Variants in RUVBL1 observed in about 807,000 individuals in gnomAD.
RUVBL1 encodes ruvB-like 1.
Under a neutral mutation model 52.4 loss-of-function variants are expected in RUVBL1, and 4 were observed. That is an observed-to-expected ratio of 0.08 (90% CI 0.04 to 0.17). RUVBL1 has a LOEUF of 0.17. Among genes scored for constraint, RUVBL1 ranks in the 10% least tolerant of loss-of-function variants. RUVBL1 has a pLI of 1.00. For missense variants in RUVBL1, 298 were observed against 572.8 expected (o/e 0.52, Z 4.90); for synonymous variants, 217 against 214.4 (o/e 1.01, Z -0.10).
intron 2 of RUVBL1, among the ~76,000 whole-genome samples, chr3:128,115,630 A>T (rs1433513862): frequency 6.6e-6 from 1 of 152,238 alleles, no homozygotes; most frequent in Non-Finnish European, 1.5e-5. Context: ...GAGGAAAGCA[A>T]TACAATATCA....
In RUVBL1 at chr3:128,067,037, C is replaced by G; in HGVS notation, c.940-1817G>C. 6.2e-7 allele frequency: 1 copy of G among 1,614,188 alleles called. No homozygotes were observed. Among genetic ancestry groups the G allele is most frequent in the Non-Finnish European group, 8.5e-7 (1 of 1,180,016 alleles). On this transcript the variant is annotated intron_variant, in intron 9 of 9. Transcript: ENST00000464873. The surrounding 1 kb of genome is among the most constrained non-coding windows in gnomAD (Gnocchi z 4.1). Reference sequence around the variant, plus strand: ...ATCCCATCAAGCTCTTCTATACGTCCAACATCCCCATCATCCTGCAGTCTG... The same window carrying G: ...ATCCCATCAAGCTCTTCTATACGTCGAACATCCCCATCATCCTGCAGTCTG...
At position 128,147,545 on chromosome 3, in the gene RUVBL1, T is replaced by G. The variant is rs111497961; in HGVS notation, c.-40+5658A>C. 2.0e-3 allele frequency among the ~76,000 whole-genome samples: 297 copies of G among 152,276 alleles called. 1 individual carries two copies. The highest frequency in any genetic ancestry group is 6.8e-3 in the African/African-American group (283 of 41,552). On this transcript the variant is annotated intron_variant, in intron 1 of 9. Coordinates refer to the RUVBL1 transcript ENST00000464873. ...ATGATTATGCCACTGCACTCCAGCC[T>G]GGATGACAGAGTGAGACCCCATCTC...
chr3:128,077,016 C>T (rs1457908334), downstream of RUVBL1, among the ~76,000 whole-genome samples: 1 of 151,842 alleles, frequency 6.6e-6, no homozygotes, highest in African/African-American at 2.4e-5. Flanking sequence ...AGGCGCCCAT[C>T]GGCCCATCTT....
intron 1 of RUVBL1, among the ~76,000 whole-genome samples, chr3:128,144,475 G>A (rs987045082): frequency 2.0e-5 from 3 of 152,160 alleles, no homozygotes; most frequent in African/African-American, 2.4e-5. Flanking sequence ...GCTGTTTCCC[G>A]TCACTAATTT....
chr3:128,111,446 A>G (rs1576467410), intron 3 of RUVBL1, among the ~76,000 whole-genome samples: 1 of 151,772 alleles, frequency 6.6e-6, no homozygotes, highest in Non-Finnish European at 1.5e-5. Flanking sequence ...ATTTTCCTCG[A>G]CTCCTCTCTT....
intron 9 of RUVBL1, among the ~76,000 whole-genome samples, chr3:128,073,528 A>C (rs895283099): frequency 2.0e-5 from 3 of 152,124 alleles, no homozygotes; most frequent in Admixed American, 2.0e-4. Flanking sequence ...CAAAAGCCCC[A>C]ACCTGAGCTT....
intron 8 of RUVBL1, among the ~76,000 whole-genome samples, chr3:128,088,620 T>G (rs1451576831): frequency 2.0e-5 from 3 of 151,854 alleles, no homozygotes; most frequent in African/African-American, 7.3e-5. Context: ...GTTTTGTTTT[T>G]GAGACTGGGT....
At chr3:128,065,906 T>C (rs900008940) in intron 9 of RUVBL1, among the ~76,000 whole-genome samples, 1 of 151,738 alleles carries the variant, frequency 6.6e-6, no homozygotes, top group Non-Finnish European at 1.5e-5. Context: ...CACGCCCGGC[T>C]AATTTTTTTT....
chr3:128,113,669 GT>G (rs1276562623), intron 2 of RUVBL1, among the ~76,000 whole-genome samples: 1 of 151,658 alleles, frequency 6.6e-6, no homozygotes, highest in African/African-American at 2.4e-5. Flanking sequence ...ATTTTTTATT[GT>G]TTTTTTCCTG....
At chr3:128,150,725 A>G (rs1256380303) in intron 1 of RUVBL1, among the ~76,000 whole-genome samples, 1 of 121,444 alleles carries the variant, frequency 8.2e-6, no homozygotes, top group Non-Finnish European at 1.6e-5. Context: ...TATATTATAT[A>G]TTCTATATAT....
intron 2 of RUVBL1, among the ~76,000 whole-genome samples, chr3:128,113,782 T>C (rs951942623): frequency 6.6e-6 from 1 of 152,322 alleles, no homozygotes; most frequent in South Asian, 2.1e-4. Context: ...AATATCAATA[T>C]ATGGCTCTGA....
chr3:128,069,479 C>T, intron 9 of RUVBL1: 13 of 1,610,532 alleles, frequency 8.1e-6, no homozygotes, highest in Non-Finnish European at 1.1e-5. Flanking sequence ...CCCCCAGGTA[C>T]ATCCCCACAG....
At chr3:128,104,738 A>G (rs1474274555) in intron 4 of RUVBL1, 35 bp downstream of exon 4, 2 of 1,573,604 alleles carry the variant, frequency 1.3e-6, no homozygotes, top group Admixed American at 1.7e-5. Context: ...GTGCTGGGAG[A>G]GTCAAGGGAA....
chr3:128,108,303 G>A (rs912605665), intron 3 of RUVBL1, among the ~76,000 whole-genome samples: 7 of 152,044 alleles, frequency 4.6e-5, no homozygotes, highest in African/African-American at 9.7e-5. Context: ...TCTCTGGTAG[G>A]ATCAAGAAAT....
chr3:128,082,493 T>C lies in RUVBL1; in HGVS notation c.1201A>G (p.Thr401Ala). 1 of 1,613,484 alleles carries C rather than the reference T, an allele frequency of 6.2e-7. No individual in the cohort carries two copies. The highest frequency in any genetic ancestry group is 8.5e-7 in the Non-Finnish European group (1 of 1,179,688). ...LNHLGEIGTK[T>A]TLRYSVQLLT... is the part of the protein sequence containing the mutation. The stretch of plus-strand genomic sequence containing the variant: ...AGGGTACCAGCTCACCTCAGTGTGG[T>C]CTTGGTGCCAATCTCCCCCAGGTGG... The change falls in exon 10 of 11, where the codon ACC becomes GCC. Residue 401 changes from threonine (T) to alanine (A), a missense_variant. Around this residue, in one of 5 missense-constraint regions of RUVBL1, gnomAD observed 161 missense variants for 298.3 expected, o/e 0.54. Coordinates refer to ENST00000322623, the MANE Select transcript of RUVBL1 (RefSeq NM_003707.3). This position sits in a 1 kb window ranked among gnomAD's most constrained non-coding sequence, Gnocchi z 4.7.
At chr3:128,090,164 C>T (rs1559810566) in intron 8 of RUVBL1, among the ~76,000 whole-genome samples, 1 of 152,134 alleles carries the variant, frequency 6.6e-6, no homozygotes, top group Non-Finnish European at 1.5e-5. Context: ...ATGTTACACA[C>T]ATTTTACCAC....
chr3:128,123,740 A>G lies in RUVBL1; in HGVS notation c.-16T>C. The G allele has an allele frequency of 6.3e-7, 1 of 1,587,946 alleles. No homozygotes were observed. Among genetic ancestry groups the G allele is most frequent in the Non-Finnish European group, 8.6e-7 (1 of 1,162,210 alleles). ...CAATCTTCATTTTGCAGACGCCGGG[A>G]GCTAAAACCAGCGTGGAAAACCAGC... On this transcript the variant is annotated 5_prime_UTR_variant, in exon 1 of 11. Transcript: ENST00000322623.
Position 128,081,473 on chromosome 3 carries a change from C to T in RUVBL1, c.1212-64G>A, listed in dbSNP as rs1942473421. The T allele has an allele frequency of 6.5e-7, 1 of 1,531,430 alleles. No homozygotes were observed. Among genetic ancestry groups the T allele is most frequent in the Non-Finnish European group, 8.9e-7 (1 of 1,122,768 alleles). The allele number at this position is 1,531,430 out of a possible 1,614,324, so 94.9% of individuals were successfully genotyped here. ...GCCACCGAAGAAAGCACCTTCCCCC[C>T]ACATCAGTAGGCAGCACTGGCACCA... is the stretch of plus-strand genomic sequence containing the variant. On this transcript the variant is annotated intron_variant, in intron 10 of 10. Coordinates refer to ENST00000322623, the MANE Select transcript of RUVBL1 (RefSeq NM_003707.3). This position sits in a 1 kb window ranked among gnomAD's most constrained non-coding sequence, Gnocchi z 4.8.
chr3:128,104,698 G>C (rs1943182658), intron 4 of RUVBL1, 75 bp downstream of exon 4: 2 of 1,322,272 alleles, frequency 1.5e-6, no homozygotes, highest in Non-Finnish European at 2.1e-6. Context: ...GGGATGCAGA[G>C]AGGTTACACC....
Sources: allele counts gnomAD v4.1 joint callset (sites outside exome capture counted in the v4.1 genomes callset), GRCh38; gene constraint gnomAD v4.1.1; regional missense constraint gnomAD v4.1.1; non-coding constraint Gnocchi (gnomAD v3.1); transcripts MANE v1.5; gene names NCBI Gene and HGNC (gene_info 2026-07-23, HGNC 2026-07-21).